Variants in CARMIL1 observed in about 807,000 individuals in gnomAD.
The protein encoded by CARMIL1 is capping protein regulator and myosin 1 linker 1.
A neutral mutation model predicts 177.1 loss-of-function variants in CARMIL1; 90 were observed. The ratio of observed to expected loss-of-function variants is 0.51; its 90% CI spans 0.43 to 0.61. The LOEUF (loss-of-function observed/expected upper bound fraction) is 0.61. Ranked by LOEUF, CARMIL1 falls within the 20% of genes least tolerant of loss-of-function variation. CARMIL1 has a pLI of 0.00. For synonymous variants in CARMIL1, 577 were observed against 606.2 expected, an observed-to-expected ratio of 0.95 and a Z score of 0.71; for missense variants, 1,380 against 1,667.0, an observed-to-expected ratio of 0.83 and a Z score of 3.00.
intron 2 of CARMIL1, among the ~76,000 whole-genome samples, chr6:25,287,213 G>A (rs943782178): frequency 6.6e-6 from 1 of 152,196 alleles, no homozygotes; most frequent in Non-Finnish European, 1.5e-5. Flanking sequence ...TGAGTTGGCT[G>A]AATATCTACA....
intron 28 of CARMIL1, among the ~76,000 whole-genome samples, chr6:25,555,382 TATTCATTCATTCATTC>T (rs61571019): frequency 1.1e-4 from 16 of 150,266 alleles, no homozygotes; most frequent in Admixed American, 8.0e-4. Flanking sequence ...AGCAATAGAG[TATTCATTCATTCATTC>T]ATTCATTCAT....
Position 25,596,662 on chromosome 6 carries a change from C to T in CARMIL1, c.3119+2135C>T, listed in dbSNP as rs559318502. On this transcript the variant is annotated intron_variant, in intron 32 of 36. Transcript: ENST00000329474. ...GAAATGCTTGTGACCAGAAGTGTTTCAATATTTGGGATTCTTTTTTGAATA... is the reference window on the plus strand; with the variant it reads ...GAAATGCTTGTGACCAGAAGTGTTTTAATATTTGGGATTCTTTTTTGAATA... 5.3e-5 allele frequency among the ~76,000 whole-genome samples: 8 copies of T among 152,226 alleles called. No individual in the cohort carries two copies. In the South Asian group the frequency reaches 1.7e-3, roughly 32 times the overall value.
chr6:25,397,098 G>C (rs1292986045), intron 2 of CARMIL1, among the ~76,000 whole-genome samples: 1 of 152,184 alleles, frequency 6.6e-6, no homozygotes, highest in Non-Finnish European at 1.5e-5. Flanking sequence ...ATGAGACACT[G>C]TCCTGCCCTC....
At chr6:25,482,236 C>T (rs752766369) in intron 11 of CARMIL1, 21 bp from the exon 12 acceptor site, 77 of 1,289,278 alleles carry the variant, frequency 6.0e-5, no homozygotes, top group Non-Finnish European at 8.2e-5. Flanking sequence ...AAATTCTAAT[C>T]GCTTCTTTTT....
intron 2 of CARMIL1, among the ~76,000 whole-genome samples, chr6:25,413,836 A>G (rs1445745060): frequency 6.6e-6 from 1 of 152,210 alleles, no homozygotes; most frequent in East Asian, 1.9e-4. Flanking sequence ...CTTTGCAAGA[A>G]AATTCTTCCC....
At chr6:25,532,456 G>A (rs144491638) in intron 24 of CARMIL1, among the ~76,000 whole-genome samples, 25 of 152,178 alleles carry the variant, frequency 1.6e-4, no homozygotes, top group Non-Finnish European at 3.2e-4. Context: ...TTTCACTTTG[G>A]GAATTTCTTA....
chr6:25,459,274 T>TTCTTTCCTTCTTTC (rs1302680954), intron 8 of CARMIL1, among the ~76,000 whole-genome samples: 1 of 30,980 alleles, frequency 3.2e-5, no homozygotes, highest in East Asian at 1.4e-3. Context: ...TTCTTTTTTT[T>TTCTTTCCTTCTTTC]TTTTTTAAGA....
At chr6:25,599,188 C>T (rs1162720567) in intron 32 of CARMIL1, among the ~76,000 whole-genome samples, 3 of 152,168 alleles carry the variant, frequency 2.0e-5, no homozygotes, top group South Asian at 2.1e-4. Context: ...ACCTTCCTGT[C>T]TTCATTTCCC....
At chr6:25,403,612 T>C (rs1037603465) in intron 2 of CARMIL1, among the ~76,000 whole-genome samples, 2 of 152,212 alleles carry the variant, frequency 1.3e-5, no homozygotes, top group Non-Finnish European at 2.9e-5. Flanking sequence ...CCTCAGGGCC[T>C]TTGCGTTTGC....
At chr6:25,387,164 T>C (rs908425913) in intron 2 of CARMIL1, among the ~76,000 whole-genome samples, 20 of 150,040 alleles carry the variant, frequency 1.3e-4, no homozygotes, top group African/African-American at 5.0e-4. Flanking sequence ...CTCTATGATG[T>C]CACCTTTTAC....
intron 5 of CARMIL1, among the ~76,000 whole-genome samples, chr6:25,449,336 T>C (rs1319097935): frequency 2.0e-5 from 3 of 152,188 alleles, no homozygotes; most frequent in Non-Finnish European, 4.4e-5. Context: ...CACTACTCTG[T>C]CTTGTCTCTG....
intron 31 of CARMIL1, among the ~76,000 whole-genome samples, chr6:25,584,579 G>C (rs1813465187): frequency 6.6e-6 from 1 of 151,846 alleles, no homozygotes; most frequent in African/African-American, 2.4e-5. Context: ...CAAAGAAACA[G>C]GAGAAACCTT....
At chr6:25,433,741 A>G (rs184488698) in intron 4 of CARMIL1, among the ~76,000 whole-genome samples, 1 of 152,362 alleles carries the variant, frequency 6.6e-6, no homozygotes, top group African/African-American at 2.4e-5. Flanking sequence ...GTATTTATCA[A>G]ATACTCGTTG....
intron 2 of CARMIL1, among the ~76,000 whole-genome samples, chr6:25,337,125 T>C (rs1786330506): frequency 6.6e-6 from 1 of 152,252 alleles, no homozygotes; most frequent in Admixed American, 6.5e-5. Context: ...CTAATGCTTA[T>C]CATTTGTTAG....
At chr6:25,467,848 C>T (rs1047868459) in intron 9 of CARMIL1, among the ~76,000 whole-genome samples, 2 of 152,130 alleles carry the variant, frequency 1.3e-5, no homozygotes, top group Non-Finnish European at 2.9e-5. Context: ...TATTACTCTA[C>T]AGGTCTTCAA....
intron 29 of CARMIL1, chr6:25,563,397 A>G (rs990713926): frequency 3.0e-6 from 3 of 985,090 alleles, no homozygotes; most frequent in Non-Finnish European, 1.2e-6. Flanking sequence ...AATACTAAGG[A>G]TGTAATTCTT....
chr6:25,301,116 C>T (rs1221032896), intron 2 of CARMIL1, among the ~76,000 whole-genome samples: 1 of 152,158 alleles, frequency 6.6e-6, no homozygotes, highest in South Asian at 2.1e-4. Flanking sequence ...ACTAGGTATG[C>T]TTATGCCTGA....
At chr6:25,459,268 T>TCCTTTCTTTC (rs1554200898) in intron 8 of CARMIL1, among the ~76,000 whole-genome samples, 1 of 121,194 alleles carries the variant, frequency 8.3e-6, no homozygotes, top group Non-Finnish European at 1.8e-5. Flanking sequence ...CTTTCTTTCT[T>TCCTTTCTTTC]TTTTTTTTTT....
chr6:25,421,204 T>G (rs896885296), intron 3 of CARMIL1, among the ~76,000 whole-genome samples: 13 of 152,190 alleles, frequency 8.5e-5, no homozygotes, highest in African/African-American at 2.9e-4. Context: ...GATGAGTGAT[T>G]AGAAAATAGC....
Sources: allele counts gnomAD v4.1 joint callset (sites outside exome capture counted in the v4.1 genomes callset), GRCh38; gene constraint gnomAD v4.1.1; transcripts MANE v1.5; gene names NCBI Gene and HGNC (gene_info 2026-07-23, HGNC 2026-07-21).